Variants in GPR149 observed in about 807,000 individuals in gnomAD.
GPR149 encodes G protein-coupled receptor 149.
In GPR149, 50 loss-of-function variants were observed where a neutral mutation model predicts 50.2. The ratio of observed to expected loss-of-function variants is 1.00; its 90% CI spans 0.79 to 1.26. The LOEUF (loss-of-function observed/expected upper bound fraction) is 1.26, where lower values mean the gene tolerates loss of function less well. GPR149 is among the 50% of genes most tolerant of loss of function. The pLI is 0.00. For missense variants in GPR149, 983 were observed against 895.4 expected (o/e 1.10, Z -1.25); for synonymous variants, 405 against 358.2 (o/e 1.13, Z -1.48).
chr3:154,355,278 G>A (rs1054763385), intron 3 of GPR149, among the ~76,000 whole-genome samples: 4 of 152,108 alleles, frequency 2.6e-5, no homozygotes, highest in African/African-American at 9.7e-5. Flanking sequence ...CACCCACCTT[G>A]GCCTCCCAAA....
At chr3:154,407,094 C>G (rs1307602615) in intron 3 of GPR149, among the ~76,000 whole-genome samples, 1 of 152,028 alleles carries the variant, frequency 6.6e-6, no homozygotes, top group Admixed American at 6.6e-5. Context: ...AACCACCCCT[C>G]ATGATTCAAG....
chr3:154,401,529 G>C (rs6809403), intron 3 of GPR149, among the ~76,000 whole-genome samples: 7,648 of 152,198 alleles, frequency 0.05, 624 homozygotes, highest in African/African-American at 0.17. Flanking sequence ...AATAATTAGT[G>C]AAAGTAGAAG....
In GPR149 at chr3:154,336,697, A is replaced by G. The variant is rs138769078; in HGVS notation, c.*1002T>C. 9.8e-4 allele frequency: 149 copies of G among 152,240 alleles called. No individual in the cohort carries two copies. The highest frequency in any genetic ancestry group is 3.2e-3 in the African/African-American group (133 of 41,564). The allele number at this position is 152,240 out of a possible 1,614,324, so 9.4% of individuals were successfully genotyped here. Reference sequence around the variant, plus strand: ...ACACGTCTTTAGAGAAGAAACAAAAAAGCAGCTAAACTTGATATAATATTT... The same window carrying G: ...ACACGTCTTTAGAGAAGAAACAAAAGAGCAGCTAAACTTGATATAATATTT... On this transcript the variant is annotated 3_prime_UTR_variant, in exon 4 of 4. Transcript: ENST00000389740.
rs573015640 is a variant in GPR149, at chr3:154,417,336, A to T, written c.1623+3703T>A. 3.0e-4 allele frequency among the ~76,000 whole-genome samples: 46 copies of T among 152,102 alleles called. No homozygotes were observed. The South Asian group carries it at 3.7e-3, about 12-fold the overall frequency. On this transcript the variant is annotated intron_variant, in intron 3 of 3. Coordinates refer to ENST00000389740, the MANE Select transcript of GPR149 (RefSeq NM_001038705.3). ...CTTCAATTCTTGTAAATTTTATGGG[A>T]TCACATTTAAATCTACTGAAGCCAT...
At chr3:154,407,998 T>C (rs547415406) in intron 3 of GPR149, among the ~76,000 whole-genome samples, 3 of 152,118 alleles carry the variant, frequency 2.0e-5, no homozygotes, top group South Asian at 4.2e-4. Context: ...GAGCTCCCAA[T>C]GGCCAAATAT....
chr3:154,401,058 G>T (rs561770560), intron 3 of GPR149, among the ~76,000 whole-genome samples: 1 of 152,214 alleles, frequency 6.6e-6, no homozygotes, highest in African/African-American at 2.4e-5. Flanking sequence ...CATGAGAGAA[G>T]AAAGCTGTTT....
At chr3:154,358,449 C>G (rs1714297408) in intron 3 of GPR149, among the ~76,000 whole-genome samples, 1 of 151,762 alleles carries the variant, frequency 6.6e-6, no homozygotes, top group Admixed American at 6.6e-5. Context: ...AAAAGCTCTT[C>G]TAAAAAAAAT....
chr3:154,407,612 TG>T (rs1305455458), intron 3 of GPR149, among the ~76,000 whole-genome samples: 2 of 151,812 alleles, frequency 1.3e-5, no homozygotes, highest in East Asian at 1.9e-4. Context: ...ATTATTAATA[TG>T]GGGTGATTAA....
chr3:154,407,421 T>G (rs1244940292), intron 3 of GPR149, among the ~76,000 whole-genome samples: 1 of 152,060 alleles, frequency 6.6e-6, no homozygotes, highest in Non-Finnish European at 1.5e-5. Context: ...GGGGTGTGGG[T>G]TAGCAATTCT....
At position 154,372,560 on chromosome 3, in the gene GPR149, C is replaced by G. The variant is rs142616955; in HGVS notation, c.1624-34289G>C. 2.8e-3 allele frequency among the ~76,000 whole-genome samples: 423 copies of G among 152,232 alleles called. 4 individuals are homozygous for G. The highest frequency in any genetic ancestry group is 9.5e-3 in the African/African-American group (396 of 41,524). On this transcript the variant is annotated intron_variant, in intron 3 of 3. Transcript: ENST00000389740. ...CCAATATCTCACCTTCCAAAGGTTA[C>G]TGCTATTGTTGTATTGGGGATTAAG...
chr3:154,367,243 C>G (rs1576908459), intron 3 of GPR149, among the ~76,000 whole-genome samples: 2 of 152,146 alleles, frequency 1.3e-5, no homozygotes, highest in African/African-American at 4.8e-5. Flanking sequence ...TTCCTAACAT[C>G]AGAATTTGTG....
At chr3:154,418,643 C>T (rs1194184244) in intron 3 of GPR149, among the ~76,000 whole-genome samples, 1 of 123,578 alleles carries the variant, frequency 8.1e-6, no homozygotes, top group African/African-American at 3.2e-5. Flanking sequence ...GGAAGGGGAA[C>T]ATCACACTCT....
At chr3:154,423,865 ATACTT>A (rs1224548651) in intron 2 of GPR149, among the ~76,000 whole-genome samples, 1 of 151,790 alleles carries the variant, frequency 6.6e-6, no homozygotes, top group East Asian at 1.9e-4. Flanking sequence ...TATTATTATT[ATACTT>A]TAAGTTCTAG....
chr3:154,346,374 C>T lies in GPR149; in HGVS notation c.1624-8103G>A, dbSNP rs907034789. Among the ~76,000 whole-genome samples, 28 of 152,248 alleles carry T rather than the reference C, an allele frequency of 1.8e-4. 2 individuals are homozygous for T. Among genetic ancestry groups the T allele is most frequent in the East Asian group, 3.9e-4 (2 of 5,190 alleles). On this transcript the variant is annotated intron_variant, in intron 3 of 3. Transcript: ENST00000389740. ...CGTTACTGTTTTCACATATTCAACTCGCAGAATATACCTTGTGTCATTCTG... is the reference window on the plus strand; with the variant it reads ...CGTTACTGTTTTCACATATTCAACTTGCAGAATATACCTTGTGTCATTCTG...
At chr3:154,340,540 T>G (rs1025769959) in intron 3 of GPR149, among the ~76,000 whole-genome samples, 1 of 152,218 alleles carries the variant, frequency 6.6e-6, no homozygotes, top group Non-Finnish European at 1.5e-5. Context: ...TGCTATCTCT[T>G]AAGACCCCAC....
chr3:154,357,922 A>C (rs1350291678), intron 3 of GPR149, among the ~76,000 whole-genome samples: 1 of 152,242 alleles, frequency 6.6e-6, no homozygotes, highest in African/African-American at 2.4e-5. Context: ...TGGATTAAGA[A>C]AATGTGGCAC....
At chr3:154,395,140 T>C (rs919555984) in intron 3 of GPR149, among the ~76,000 whole-genome samples, 1 of 151,990 alleles carries the variant, frequency 6.6e-6, no homozygotes, top group African/African-American at 2.4e-5. Flanking sequence ...GGATACCAAC[T>C]TGCTAAAAAA....
chr3:154,376,162 A>T (rs1254482570), intron 3 of GPR149, among the ~76,000 whole-genome samples: 3 of 152,178 alleles, frequency 2.0e-5, no homozygotes, highest in Non-Finnish European at 4.4e-5. Flanking sequence ...TTGTTTCTCT[A>T]GGAAACCCTA....
chr3:154,419,482 A>G (rs540244024), intron 3 of GPR149, among the ~76,000 whole-genome samples: 2 of 152,190 alleles, frequency 1.3e-5, no homozygotes, highest in South Asian at 2.1e-4. Flanking sequence ...AATGAACAAA[A>G]GCAGGCCCCA....
Sources: allele counts gnomAD v4.1 joint callset (sites outside exome capture counted in the v4.1 genomes callset), GRCh38; gene constraint gnomAD v4.1.1; transcripts MANE v1.5; gene names NCBI Gene and HGNC (gene_info 2026-07-23, HGNC 2026-07-21).